The following SPATA2 variants were observed in gnomAD, a reference collection of about 807,000 sequenced individuals.
SPATA2 encodes the protein spermatogenesis-associated protein 2.
SPATA2 carries 8 observed loss-of-function variants against 35.4 expected under a neutral mutation model. The observed-to-expected ratio is 0.23, with a 90% confidence interval of 0.13 to 0.41. The LOEUF (loss-of-function observed/expected upper bound fraction) is 0.41, where lower values mean the gene tolerates loss of function less well. Ranked by LOEUF, SPATA2 falls within the 10% of genes least tolerant of loss-of-function variation. The pLI is 1.00. For synonymous variants in SPATA2, 293 were observed against 300.9 expected, an observed-to-expected ratio of 0.97 and a Z score of 0.27; for missense variants, 650 against 698.7, an observed-to-expected ratio of 0.93 and a Z score of 0.79.
chr20:49,903,930 TATATATATATATATATATA>T lies in SPATA2; in HGVS notation c.*1670_*1688del, dbSNP rs1287387002. On this transcript the variant is annotated 3_prime_UTR_variant, in exon 3 of 3. Coordinates refer to ENST00000289431, the MANE Select transcript of SPATA2 (RefSeq NM_006038.4). ...ATATATATATATATATATATATATA[TATATATATATATATATATA>T]TATTAAAAAGAGAGCCATAGAAGAT... 7.7e-6 allele frequency: 1 copy of T among 130,002 alleles called. No individual in the cohort carries two copies. Among genetic ancestry groups the T allele is most frequent in the Non-Finnish European group, 1.6e-5 (1 of 61,108 alleles). The allele number at this position is 130,002 out of a possible 1,614,324, so 8.1% of individuals were successfully genotyped here. A position where few individuals can be genotyped will look rare whatever the true frequency, so the allele number is the denominator to read the frequency against.
chr20:49,903,902 G>GATAGATATATATAT lies in SPATA2; in HGVS notation c.*1716_*1717insATATATATATCTAT, dbSNP rs1431587837. 4.1e-5 allele frequency: 4 copies of GATAGATATATATAT among 96,928 alleles called. No homozygotes were observed. The highest frequency in any genetic ancestry group is 8.0e-5 in the Non-Finnish European group (4 of 49,692). 6.0% of individuals were successfully genotyped at this position (96,928 alleles called of 1,614,324 possible). A position where few individuals can be genotyped will look rare whatever the true frequency, so the allele number is the denominator to read the frequency against. Reference sequence around the variant, plus strand: ...ACATCTACATGTGATCTACCAGATAGATATATATATATATATATATATATA... The same window carrying GATAGATATATATAT: ...ACATCTACATGTGATCTACCAGATAGATAGATATATATATATATATATATATATATATATATATA... On this transcript the variant is annotated 3_prime_UTR_variant, in exon 3 of 3. Transcript: ENST00000289431.
intron 1 of SPATA2, chr20:49,913,732 G>A (rs527568870): frequency 1.3e-5 from 2 of 152,324 alleles, no homozygotes; most frequent in South Asian, 4.1e-4. Flanking sequence ...TCTATATGAT[G>A]TAAGCTCAAG....
rs2090122494 is a variant in SPATA2, at chr20:49,903,902, G to GATATATATAGATATATATATATATATAT, written c.*1716_*1717insATATATATATATATATATCTATATATAT. The stretch of plus-strand genomic sequence containing the variant: ...ACATCTACATGTGATCTACCAGATA[G>GATATATATAGATATATATATATATATAT]ATATATATATATATATATATATATA... On this transcript the variant is annotated 3_prime_UTR_variant, in exon 3 of 3. Transcript: ENST00000289431. 1 of 96,930 alleles carries GATATATATAGATATATATATATATATAT rather than the reference G, an allele frequency of 1.0e-5. No homozygotes were observed. The allele number at this position is 96,930 out of a possible 1,614,324, so 6.0% of individuals were successfully genotyped here.
chr20:49,908,128 T>C (rs746491764), intron 2 of SPATA2, 27 bp downstream of exon 2: 3 of 1,572,330 alleles, frequency 1.9e-6, no homozygotes, highest in Non-Finnish European at 2.6e-6. Flanking sequence ...AAGGAGGGCC[T>C]GTATGGAGGC....
In SPATA2 at chr20:49,906,173, G is replaced by C; in HGVS notation, c.1009C>G (p.Leu337Val). ...TYFSTQDDVD[L>V]YTDSEPRATY... ...GCCCTGGGTTCAGAGTCTGTGTACA[G>C]ATCCACGTCATCCTGAGTGGAGAAG... Residue 337 changes from leucine to valine, a missense_variant, in exon 3 of 3, where the codon CTG becomes GTG. Coordinates refer to ENST00000289431, the MANE Select transcript of SPATA2 (RefSeq NM_006038.4). The surrounding 1 kb of genome is among the most constrained non-coding windows in gnomAD (Gnocchi z 8.2). The C allele has an allele frequency of 6.3e-7, 1 of 1,593,462 alleles. No homozygotes were observed. The highest frequency in any genetic ancestry group is 8.6e-7 in the Non-Finnish European group (1 of 1,167,520).
At chr20:49,907,320 A>G (rs186219594) in intron 2 of SPATA2, among the ~76,000 whole-genome samples, 17 of 152,216 alleles carry the variant, frequency 1.1e-4, no homozygotes, top group African/African-American at 2.4e-4. Flanking sequence ...CGGCCTCCCA[A>G]TGTGCTGGGA....
intron 1 of SPATA2, among the ~76,000 whole-genome samples, chr20:49,913,084 G>A (rs1005808050): frequency 6.6e-6 from 1 of 152,122 alleles, no homozygotes; most frequent in Non-Finnish European, 1.5e-5. Flanking sequence ...ACTCCGGCCT[G>A]GGTGACAGAG....
chr20:49,906,758 G>T lies in SPATA2; in HGVS notation c.424C>A (p.Pro142Thr). The change falls in exon 3 of 3, where the codon CCT becomes ACT. Residue 142 changes from proline (P) to threonine (T), a missense_variant. Pro to Thr is a conservative substitution (Grantham distance 38). Transcript: ENST00000289431. This position sits in a 1 kb window ranked among gnomAD's most constrained non-coding sequence, Gnocchi z 8.2. ...AGCTTGTATGCAGTGCCCAGCTCAG[G>T]TGTGTAGCCCATGCAGCTCAGGATG... Reference protein sequence around the residue: ...RAILSCMGYTPELGTAYKLRE... With the variant: ...RAILSCMGYTTELGTAYKLRE... The T allele has an allele frequency of 6.2e-7, 1 of 1,614,216 alleles. No individual in the cohort carries two copies. Among genetic ancestry groups the T allele is most frequent in the Non-Finnish European group, 8.5e-7 (1 of 1,180,032 alleles).
Position 49,905,966 on chromosome 20 carries a change from G to A in SPATA2, c.1216C>T (p.Pro406Ser). The A allele has an allele frequency of 2.5e-6, 4 of 1,609,000 alleles. No homozygotes were observed. Among genetic ancestry groups the A allele is most frequent in the Non-Finnish European group, 3.4e-6 (4 of 1,179,870 alleles). The change falls in exon 3 of 3, where the codon CCA (proline) becomes TCA (serine). Residue 406 changes from proline to serine, a missense_variant. By Grantham distance (74) the Pro-to-Ser change is moderately conservative (BLOSUM62 -1). Coordinates refer to ENST00000289431, the MANE Select transcript of SPATA2 (RefSeq NM_006038.4). ...QRCDSLLTCP[P>S]ASKPSAFPSK... ...GGGAAGGCGCTGGGCTTGGAAGCTGGAGGACAGGTGAGCAGGCTGTCACAG... is the reference window on the plus strand; with the variant it reads ...GGGAAGGCGCTGGGCTTGGAAGCTGAAGGACAGGTGAGCAGGCTGTCACAG...
chr20:49,913,920 T>C (rs1191139686), intron 1 of SPATA2, among the ~76,000 whole-genome samples: 1 of 150,938 alleles, frequency 6.6e-6, no homozygotes, highest in East Asian at 1.9e-4. Context: ...CAAAATACGC[T>C]CTCTGCAAAA....
chr20:49,911,667 TAA>T (rs1338174615), intron 1 of SPATA2, among the ~76,000 whole-genome samples: 14 of 127,586 alleles, frequency 1.1e-4, no homozygotes, highest in African/African-American at 5.9e-5. Flanking sequence ...ACTCCGTCTC[TAA>T]AAAAAAAAAA....
intron 2 of SPATA2, among the ~76,000 whole-genome samples, 166 bp from the exon 3 acceptor site, chr20:49,907,011 G>A (rs1164571724): frequency 1.3e-5 from 2 of 152,212 alleles, no homozygotes; most frequent in Non-Finnish European, 2.9e-5. Flanking sequence ...GAAGACGCAG[G>A]AGCTGGGGCT....
rs2090127922 is a variant in SPATA2 at position 49,904,421 on chromosome 20, G to C, written c.*1198C>G. ...AAGAGAAGAGGATTGAGATGGAGGG[G>C]CAGTAGGAATCCCAAATGATTTTCC... On this transcript the variant is annotated 3_prime_UTR_variant, in exon 3 of 3. Coordinates refer to ENST00000289431, the MANE Select transcript of SPATA2 (RefSeq NM_006038.4). 6.6e-6 allele frequency: 1 copy of C among 152,550 alleles called. No homozygotes were observed. Among genetic ancestry groups the C allele is most frequent in the Admixed American group, 6.5e-5 (1 of 15,278 alleles). The allele number at this position is 152,550 out of a possible 1,614,324, so 9.4% of individuals were successfully genotyped here. A position where few individuals can be genotyped will look rare whatever the true frequency, so the allele number is the denominator to read the frequency against.
Position 49,906,332 on chromosome 20 carries a change from C to T in SPATA2, c.850G>A (p.Gly284Arg). The change falls in exon 3 of 3, where the codon GGG (glycine) becomes AGG (arginine). Residue 284 changes from glycine to arginine, a missense_variant. By Grantham distance (125) the Gly-to-Arg change is moderately radical. Transcript: ENST00000289431. This position sits in a 1 kb window ranked among gnomAD's most constrained non-coding sequence, Gnocchi z 8.2. ...ATGATCTCATCCTTGAGGTCGTCCCCCACATCCGTTGCCACAGGCTCCTTC... is the reference window on the plus strand; with the variant it reads ...ATGATCTCATCCTTGAGGTCGTCCCTCACATCCGTTGCCACAGGCTCCTTC... ...LRKEPVATDVGDDLKDEIIRP... is the reference protein window; with the variant it reads ...LRKEPVATDVRDDLKDEIIRP... 6.2e-7 allele frequency: 1 copy of T among 1,609,688 alleles called. No individual in the cohort carries two copies. The highest frequency in any genetic ancestry group is 2.2e-5 in the East Asian group (1 of 44,792).
intron 1 of SPATA2, among the ~76,000 whole-genome samples, chr20:49,909,407 A>C (rs2146833120): frequency 6.6e-6 from 1 of 152,168 alleles, no homozygotes; most frequent in South Asian, 2.1e-4. Flanking sequence ...CACAGACATT[A>C]GAAACTGCTC....
chr20:49,905,840 A>G lies in SPATA2; in HGVS notation c.1342T>C (p.Ser448Pro). 1 of 1,613,990 alleles carries G rather than the reference A, an allele frequency of 6.2e-7. No homozygotes were observed. The highest frequency in any genetic ancestry group is 8.5e-7 in the Non-Finnish European group (1 of 1,180,012). ...GGCGTGGTGGAGGGCTTGGATTTGG[A>G]GTGAAGGTGCGGGAGGCGGTCGAGG... ...QGLDRLPHLHSKSKPSTTPTS... is the reference protein window; with the variant it reads ...QGLDRLPHLHPKSKPSTTPTS... Residue 448 changes from serine to proline, a missense_variant, in exon 3 of 3, where the codon TCC (serine) becomes CCC (proline). Transcript: ENST00000289431.
At position 49,905,284 on chromosome 20, in the gene SPATA2, C is replaced by G. The variant is rs1390654860; in HGVS notation, c.*335G>C. On this transcript the variant is annotated 3_prime_UTR_variant, in exon 3 of 3. Transcript: ENST00000289431. ...GTAGGTGCAGCGAGGGTCCCAGAGA[C>G]AGAAATCCTCTTTAAAGGAAAAAAC... 2.1e-5 allele frequency: 6 copies of G among 286,572 alleles called. No homozygotes were observed. Among genetic ancestry groups the G allele is most frequent in the Non-Finnish European group, 4.0e-5 (6 of 150,626 alleles). The allele number at this position is 286,572 out of a possible 1,614,324, so 17.8% of individuals were successfully genotyped here. A position where few individuals can be genotyped will look rare whatever the true frequency, so the allele number is the denominator to read the frequency against.
rs530096428 is a variant in SPATA2 at position 49,906,993 on chromosome 20, G to A, written c.337-148C>T. 4.8e-5 allele frequency: 40 copies of A among 838,860 alleles called. No homozygotes were observed. The African/African-American group carries it at 6.0e-4, about 13-fold the overall frequency. The allele number at this position is 838,860 out of a possible 1,614,324, so 52.0% of individuals were successfully genotyped here. A position where few individuals can be genotyped will look rare whatever the true frequency, so the allele number is the denominator to read the frequency against. ...AAGGATCTCGACAGCCTCACCCTGC[G>A]GGAGGCAGAAGACGCAGGAGCTGGG... On this transcript the variant is annotated intron_variant, in intron 2 of 2. Coordinates refer to ENST00000289431, the MANE Select transcript of SPATA2 (RefSeq NM_006038.4). The surrounding 1 kb of genome is among the most constrained non-coding windows in gnomAD (Gnocchi z 8.2).
rs752212764 is a variant in SPATA2, at chr20:49,908,350, T to G, written c.141A>C (p.Ser47=). The part of the protein sequence containing the change: ...GSDECLRVAA[S]TLLSLHKVDP... ...CCACCTTGTGCAGGCTGAGCAGGGT[T>G]GAGGCTGCCACCCGCAGGCACTCAT... The change falls in exon 2 of 3, where the codon TCA becomes TCC. Residue 47 remains serine (S), a synonymous_variant. Coordinates refer to ENST00000289431, the MANE Select transcript of SPATA2 (RefSeq NM_006038.4). 3 of 1,614,260 alleles carry G rather than the reference T, an allele frequency of 1.9e-6. No homozygotes were observed. Among genetic ancestry groups the G allele is most frequent in the Non-Finnish European group, 1.7e-6 (2 of 1,180,048 alleles).
Sources: gnomAD v4.1 joint callset for allele counts (sites outside exome capture counted in the v4.1 genomes callset) on GRCh38, gnomAD v4.1.1 for gene constraint, Gnocchi (gnomAD v3.1) non-coding constraint, MANE v1.5 for transcripts, NCBI Gene and HGNC (gene_info 2026-07-23, HGNC 2026-07-21) for gene names.